Variants in ZNF432 observed in about 807,000 individuals in gnomAD.
ZNF432 encodes the protein zinc finger protein 432.
Under a neutral mutation model 13.9 loss-of-function variants are expected in ZNF432, and 10 were observed. The ratio of observed to expected loss-of-function variants is 0.72; its 90% CI spans 0.44 to 1.22. The LOEUF (loss-of-function observed/expected upper bound fraction) is 1.22, where lower values mean the gene tolerates loss of function less well. Ranked by LOEUF, ZNF432 falls within the 50% of genes most tolerant of loss-of-function variation. ZNF432 has a pLI of 0.00. For synonymous variants in ZNF432, 247 were observed against 256.2 expected (o/e 0.96, Z 0.34); for missense variants, 793 against 796.2 (o/e 1.00, Z 0.05).
Position 52,033,745 on chromosome 19 carries a change from C to A in ZNF432, c.1934G>T (p.Arg645Leu). Reference protein sequence around the residue: ...SSKRNLIVHQRTHNGNKP With the variant: ...SSKRNLIVHQLTHNGNKP Reference sequence around the variant, plus strand: ...TCAGGGTTTGTTTCCATTATGAGTTCGCTGATGTACAATGAGATTTCTCTT... The same window carrying A: ...TCAGGGTTTGTTTCCATTATGAGTTAGCTGATGTACAATGAGATTTCTCTT... Residue 645 changes from arginine to leucine, a missense_variant, in exon 5 of 5, where the codon CGA (arginine) becomes CTA (leucine). Transcript: ENST00000221315. 1.3e-6 allele frequency: 2 copies of A among 1,594,254 alleles called. No homozygotes were observed. The highest frequency in any genetic ancestry group is 1.1e-5 in the South Asian group (1 of 87,490).
At position 52,047,060 on chromosome 19, in the gene ZNF432, A is replaced by C. The variant is rs1242742525; in HGVS notation, c.-192T>G. On this transcript the variant is annotated splice_region_variant and 5_prime_UTR_variant, in exon 2 of 5. Transcript: ENST00000221315. ...TTCCCAGGGTAGCCAGGACCTGTGG[A>C]CTGAAGAGCAAAACAACTTTCAGGG... is the stretch of plus-strand genomic sequence containing the variant. 3.8e-6 allele frequency: 2 copies of C among 525,348 alleles called. No homozygotes were observed. The highest frequency in any genetic ancestry group is 3.9e-5 in the African/African-American group (2 of 51,908). 32.5% of individuals were successfully genotyped at this position (525,348 alleles called of 1,614,324 possible).
At chr19:52,047,220 G>A (rs1257580786) in intron 1 of ZNF432, 160 bp from the exon 2 acceptor site, 8 of 306,626 alleles carry the variant, frequency 2.6e-5, no homozygotes, top group Non-Finnish European at 4.8e-5. Flanking sequence ...GAAGATGAAA[G>A]GGGAGGTCAC....
At chr19:52,044,597 C>T (rs2123160594) in intron 2 of ZNF432, among the ~76,000 whole-genome samples, 1 of 151,938 alleles carries the variant, frequency 6.6e-6, no homozygotes, top group East Asian at 1.9e-4. Flanking sequence ...AGAAAAAAAT[C>T]CAGTTGGCCA....
At chr19:52,038,266 G>A (rs1239172221) in intron 4 of ZNF432, among the ~76,000 whole-genome samples, 1 of 152,148 alleles carries the variant, frequency 6.6e-6, no homozygotes, top group Non-Finnish European at 1.5e-5. Context: ...CAGGCCCATG[G>A]CCTTGCACAA....
intron 4 of ZNF432, among the ~76,000 whole-genome samples, chr19:52,039,172 C>T (rs770497399): frequency 5.3e-5 from 8 of 152,362 alleles, no homozygotes; most frequent in South Asian, 4.1e-4. Flanking sequence ...CAGAGAAGTA[C>T]TGTACTTGGA....
chr19:52,043,903 G>T (rs940040691), intron 2 of ZNF432, among the ~76,000 whole-genome samples: 8 of 152,084 alleles, frequency 5.3e-5, no homozygotes, highest in Non-Finnish European at 1.5e-5. Flanking sequence ...TCCCCCTCTC[G>T]GAGAAACACC....
rs750379395 is a variant in ZNF432, at chr19:52,034,506, A to G, written c.1173T>C (p.His391=). 2 of 1,613,898 alleles carry G rather than the reference A, an allele frequency of 1.2e-6. No individual in the cohort carries two copies. Among genetic ancestry groups the G allele is most frequent in the South Asian group, 2.2e-5 (2 of 91,076 alleles). The part of the protein sequence containing the change: ...GFTMKSRMIE[H]QRTHTGEKPY... ...GTTTCTCTCCTGTATGAGTTCGTTGATGTTCGATCATACGGCTCTTCATGG... is the reference window on the plus strand; with the variant it reads ...GTTTCTCTCCTGTATGAGTTCGTTGGTGTTCGATCATACGGCTCTTCATGG... The change falls in exon 5 of 5, where the codon CAT becomes CAC. Residue 391 remains histidine, a synonymous_variant. Transcript: ENST00000221315.
At chr19:52,038,444 C>A (rs1341594711) in intron 4 of ZNF432, among the ~76,000 whole-genome samples, 1 of 152,212 alleles carries the variant, frequency 6.6e-6, no homozygotes, top group Non-Finnish European at 1.5e-5. Context: ...GCATGTGCCA[C>A]CATGCCCGGC....
At chr19:52,035,619 G>C (rs1300725838) in intron 4 of ZNF432, among the ~76,000 whole-genome samples, 179 bp from the exon 5 acceptor site, 2 of 152,072 alleles carry the variant, frequency 1.3e-5, no homozygotes, top group Non-Finnish European at 2.9e-5. Flanking sequence ...TGCAACCTCC[G>C]CCTCCTGGGT....
At chr19:52,038,791 G>C (rs1223276198) in intron 4 of ZNF432, among the ~76,000 whole-genome samples, 6 of 152,224 alleles carry the variant, frequency 3.9e-5, no homozygotes, top group African/African-American at 1.4e-4. Flanking sequence ...CATCCAAACA[G>C]AGATCTAGCA....
chr19:52,046,918 C>T lies in ZNF432; in HGVS notation c.-50G>A. On this transcript the variant is annotated 5_prime_UTR_variant, in exon 2 of 5. Transcript: ENST00000221315. Reference sequence around the variant, plus strand: ...AGCACCTGGGATACTCTGTCTTTGTCTCCTCTGGATCTGCCTTAAATTTCT... The same window carrying T: ...AGCACCTGGGATACTCTGTCTTTGTTTCCTCTGGATCTGCCTTAAATTTCT... The T allele has an allele frequency of 6.2e-7, 1 of 1,606,814 alleles. No homozygotes were observed. The highest frequency in any genetic ancestry group is 8.5e-7 in the Non-Finnish European group (1 of 1,175,732).
intron 2 of ZNF432, 151 bp downstream of exon 2, chr19:52,046,703 T>A: frequency 1.5e-6 from 1 of 682,494 alleles, no homozygotes; most frequent in Non-Finnish European, 2.3e-6. Context: ...TTTGTAGGAA[T>A]CACATAAACA....
At chr19:52,040,725 C>G (rs2123154978) in intron 3 of ZNF432, 142 bp from the exon 4 acceptor site, 1 of 644,134 alleles carries the variant, frequency 1.6e-6, no homozygotes. Flanking sequence ...AGATTACAGT[C>G]AGACCTTAAT....
At chr19:52,040,717 ATTACAGTCAGACC>A in intron 3 of ZNF432, 134 bp from the exon 4 acceptor site, 1 of 678,518 alleles carries the variant, frequency 1.5e-6, no homozygotes, top group Non-Finnish European at 2.6e-6. Flanking sequence ...GAAAGGGCAG[ATTACAGTCAGACC>A]TTAATATCTG....
Position 52,041,568 on chromosome 19 carries a change from G to C in ZNF432, c.54C>G (p.Thr18=). 6.2e-7 allele frequency: 1 copy of C among 1,613,880 alleles called. No individual in the cohort carries two copies. Among genetic ancestry groups the C allele is most frequent in the Non-Finnish European group, 8.5e-7 (1 of 1,179,922 alleles). ...LTLEDVTVEF[T]WEEWQLLGPF... is the part of the protein sequence containing the mutation. ...GGCCCAGGAGCTGCCACTCCTCCCAGGTGAACTCCACAGTAACATCCTCCA... is the reference window on the plus strand; with the variant it reads ...GGCCCAGGAGCTGCCACTCCTCCCACGTGAACTCCACAGTAACATCCTCCA... The change falls in exon 3 of 5, where the codon ACC becomes ACG. Residue 18 remains threonine (T), a synonymous_variant. Coordinates refer to ENST00000221315, the MANE Select transcript of ZNF432 (RefSeq NM_014650.4).
At chr19:52,045,583 C>T (rs1302575823) in intron 2 of ZNF432, among the ~76,000 whole-genome samples, 2 of 151,028 alleles carry the variant, frequency 1.3e-5, no homozygotes, top group East Asian at 2.0e-4. Context: ...CTTGAACTCC[C>T]GACCTCAGGT....
At chr19:52,037,128 G>A (rs2087089770) in intron 4 of ZNF432, among the ~76,000 whole-genome samples, 1 of 152,190 alleles carries the variant, frequency 6.6e-6, no homozygotes, top group African/African-American at 2.4e-5. Flanking sequence ...GAGATATATA[G>A]AATAAATACA....
At chr19:52,045,634 C>T (rs1489231004) in intron 2 of ZNF432, among the ~76,000 whole-genome samples, 1 of 150,166 alleles carries the variant, frequency 6.7e-6, no homozygotes, top group Non-Finnish European at 1.5e-5. Flanking sequence ...GGATTACAGG[C>T]GTGAGCCACT....
chr19:52,043,442 C>A (rs1466918178), intron 2 of ZNF432, among the ~76,000 whole-genome samples: 1 of 152,116 alleles, frequency 6.6e-6, no homozygotes, highest in Non-Finnish European at 1.5e-5. Flanking sequence ...GCCGCAGGGA[C>A]CTCTGCCTAG....
Sources: allele counts gnomAD v4.1 joint callset (sites outside exome capture counted in the v4.1 genomes callset), GRCh38; gene constraint gnomAD v4.1.1; transcripts MANE v1.5; gene names NCBI Gene and HGNC (gene_info 2026-07-23, HGNC 2026-07-21).